Variants in DTNB observed in about 807,000 individuals in gnomAD.
DTNB encodes dystrobrevin beta.
A neutral mutation model predicts 90.7 loss-of-function variants in DTNB; 63 were observed. The ratio of observed to expected loss-of-function variants is 0.69; its 90% CI spans 0.57 to 0.86. DTNB has a LOEUF of 0.86. Ranked by LOEUF, DTNB falls within the 40% of genes least tolerant of loss-of-function variation. The pLI, the probability that DTNB is intolerant of heterozygous loss-of-function variation, is 0.00. For missense variants in DTNB, 744 were observed against 807.1 expected (o/e 0.92, Z 0.95); for synonymous variants, 277 against 286.7 (o/e 0.97, Z 0.34).
At chr2:25,397,819 G>A (rs1202458699) in intron 16 of DTNB, among the ~76,000 whole-genome samples, 1 of 144,768 alleles carries the variant, frequency 6.9e-6, no homozygotes, top group Admixed American at 7.1e-5. Flanking sequence ...GGTGGAGCTT[G>A]CAGTGAGCCA....
At chr2:25,545,534 G>A (rs958937900) in intron 8 of DTNB, among the ~76,000 whole-genome samples, 11 of 152,138 alleles carry the variant, frequency 7.2e-5, no homozygotes, top group Admixed American at 3.9e-4. Flanking sequence ...GAACTTTAAG[G>A]GATGATGAAG....
rs759898782 is a variant in DTNB at position 25,482,868 on chromosome 2, G to C, written c.1007C>G (p.Pro336Arg). ...GTCATTCATATTAGTCAGAGGGCGA[G>C]GAGGACTGAAAGAAAAGACATTTAC... is the stretch of plus-strand genomic sequence containing the variant. ...KPLDLAHIVP[P>R]RPLTNMNDTM... The change falls in exon 10 of 21, where the codon CCT (proline) becomes CGT (arginine). Residue 336 changes from proline (P) to arginine (R), a missense_variant. By Grantham distance (103) the Pro-to-Arg change is moderately radical (BLOSUM62 -2). Transcript: ENST00000406818. 2 of 1,603,520 alleles carry C rather than the reference G, an allele frequency of 1.2e-6. No homozygotes were observed. Among genetic ancestry groups the C allele is most frequent in the African/African-American group, 2.7e-5 (2 of 73,880 alleles).
intron 9 of DTNB, among the ~76,000 whole-genome samples, chr2:25,519,357 C>T (rs1315198421): frequency 6.6e-6 from 1 of 150,790 alleles, no homozygotes; most frequent in Non-Finnish European, 1.5e-5. Flanking sequence ...AGATCAAGAC[C>T]CTGTTTCTAC....
At chr2:25,572,194 G>A (rs151072986) in intron 8 of DTNB, among the ~76,000 whole-genome samples, 501 of 152,194 alleles carry the variant, frequency 3.3e-3, no homozygotes, top group Non-Finnish European at 5.8e-3. Context: ...CAGGCCGGGC[G>A]CGGTGGCTCA....
At chr2:25,478,844 G>A (rs778708111) in intron 10 of DTNB, among the ~76,000 whole-genome samples, 4 of 152,170 alleles carry the variant, frequency 2.6e-5, no homozygotes, top group Non-Finnish European at 4.4e-5. Context: ...CACAACCCCT[G>A]GAGGGGCAAG....
Position 25,409,227 on chromosome 2 carries a change from TTTCATTCATTCATTCATTCA to T in DTNB, c.1575+10268_1575+10287del, listed in dbSNP as rs142975608. Among the ~76,000 whole-genome samples, 89 of 152,246 alleles carry T rather than the reference TTTCATTCATTCATTCATTCA, an allele frequency of 5.8e-4. 2 individuals carry two copies. In the East Asian group the frequency reaches 0.016, roughly 28 times the overall value. ...AATCAGTGAAATAAACCCAACTGGA[TTTCATTCATTCATTCATTCA>T]TTCATTCACTCATTCATTCCTCTAT... On this transcript the variant is annotated intron_variant, in intron 16 of 20. Coordinates refer to ENST00000406818, the MANE Select transcript of DTNB (RefSeq NM_021907.5).
intron 8 of DTNB, among the ~76,000 whole-genome samples, chr2:25,564,804 T>C (rs1181887381): frequency 6.6e-6 from 1 of 152,230 alleles, no homozygotes; most frequent in Admixed American, 6.5e-5. Flanking sequence ...TTTTCTTAAT[T>C]TCATTTTCAG....
intron 8 of DTNB, among the ~76,000 whole-genome samples, chr2:25,568,669 T>C (rs2059391476): frequency 6.6e-6 from 1 of 152,254 alleles, no homozygotes; most frequent in South Asian, 2.1e-4. Flanking sequence ...GTGGGAACCC[T>C]TGTTCTGATT....
intron 16 of DTNB, among the ~76,000 whole-genome samples, chr2:25,408,690 G>T (rs919408523): frequency 3.3e-5 from 5 of 152,076 alleles, no homozygotes; most frequent in African/African-American, 1.2e-4. Flanking sequence ...GTATGATTAG[G>T]AGTAAATGGA....
intron 1 of DTNB, among the ~76,000 whole-genome samples, chr2:25,662,169 C>CAA (rs771372907): frequency 7.0e-6 from 1 of 142,014 alleles, no homozygotes; most frequent in Non-Finnish European, 1.6e-5. Context: ...AAAAAAAAAA[C>CAA]AAAAAAAACA....
At chr2:25,673,205 G>A (rs2086523841) in intron 1 of DTNB, among the ~76,000 whole-genome samples, 181 bp downstream of exon 1, 1 of 151,496 alleles carries the variant, frequency 6.6e-6, no homozygotes, top group Admixed American at 6.6e-5. Context: ...CCACCTCGCA[G>A]CCGCGCGCGG....
chr2:25,455,424 G>A lies in DTNB; in HGVS notation c.1150C>T (p.Arg384Cys), dbSNP rs149194865. ...EHALIASYVA[R>C]LQHCARVLDS... is the part of the protein sequence containing the mutation. ...ACTGACCGTGCACAGTGCTGCAGAC[G>A]GGCCACATAGGAGGCTATCAGCGCA... Residue 384 changes from arginine (R) to cysteine (C), a missense_variant, in exon 11 of 21, where the codon CGT becomes TGT. By Grantham distance (180) the Arg-to-Cys change is radical (BLOSUM62 -3). Coordinates refer to ENST00000406818, the MANE Select transcript of DTNB (RefSeq NM_021907.5). 14 of 1,602,064 alleles carry A rather than the reference G, an allele frequency of 8.7e-6. No homozygotes were observed. In the East Asian group the frequency reaches 2.3e-4, roughly 26 times the overall value.
At chr2:25,486,035 T>C (rs1008948862) in intron 9 of DTNB, among the ~76,000 whole-genome samples, 4 of 151,430 alleles carry the variant, frequency 2.6e-5, no homozygotes, top group Non-Finnish European at 5.9e-5. Context: ...GGCAGGAGAA[T>C]AGCTTGAACC....
intron 8 of DTNB, among the ~76,000 whole-genome samples, chr2:25,557,239 G>A (rs1167288894): frequency 6.6e-6 from 1 of 152,220 alleles, no homozygotes; most frequent in Non-Finnish European, 1.5e-5. Context: ...GAGTTAGAGG[G>A]AGTATGAGAG....
intron 4 of DTNB, among the ~76,000 whole-genome samples, chr2:25,616,857 A>G (rs950543548): frequency 1.4e-5 from 2 of 142,848 alleles, no homozygotes; most frequent in African/African-American, 2.6e-5. Context: ...GCGTGAACCC[A>G]GGAGGCGGAG....
intron 15 of DTNB, among the ~76,000 whole-genome samples, chr2:25,421,876 A>T (rs2049828755): frequency 6.6e-6 from 1 of 152,188 alleles, no homozygotes; most frequent in Non-Finnish European, 1.5e-5. Flanking sequence ...TTTGCAGTAG[A>T]TATATCAGGT....
At chr2:25,388,651 G>A (rs1421670299) in intron 16 of DTNB, 6 of 346,564 alleles carry the variant, frequency 1.7e-5, no homozygotes, top group East Asian at 5.2e-5. Context: ...AGTGAGCTGC[G>A]TGACTGGGCC....
chr2:25,377,672 C>T (rs2036204798), intron 20 of DTNB, 119 bp from the exon 21 acceptor site: 1 of 152,496 alleles, frequency 6.6e-6, no homozygotes, highest in Non-Finnish European at 1.5e-5. Context: ...TGCTGGGCGC[C>T]TTTCAAGCGT....
intron 10 of DTNB, among the ~76,000 whole-genome samples, chr2:25,464,114 G>T (rs1006467807): frequency 1.3e-5 from 2 of 152,180 alleles, no homozygotes; most frequent in Non-Finnish European, 2.9e-5. Context: ...TCGCCATGTT[G>T]GCCAGGCTGG....
Sources: gnomAD v4.1 joint callset for allele counts (sites outside exome capture counted in the v4.1 genomes callset) on GRCh38, gnomAD v4.1.1 for gene constraint, MANE v1.5 for transcripts, NCBI Gene and HGNC (gene_info 2026-07-23, HGNC 2026-07-21) for gene names.